Variants in H2AL3 observed in about 807,000 individuals in gnomAD.
The protein encoded by H2AL3 is histone H2A-like 3.
exon 1 of H2AL3, chrX:37,994,468 A>G (rs1415112864): frequency 5.8e-6 from 1 of 172,382 alleles, no homozygotes; most frequent in Non-Finnish European, 9.3e-6. Flanking sequence ...CATGCCCGGC[A>G]CCTGAGCTCA....
exon 1 of H2AL3, chrX:37,994,283 G>A (rs1360037322): frequency 1.8e-5 from 2 of 112,507 alleles, no homozygotes; most frequent in African/African-American, 6.5e-5. Context: ...GGTACCTTGA[G>A]AGGCTCAGGC....
exon 1 of H2AL3, chrX:37,994,457 G>C (rs890671422): frequency 3.5e-5 from 5 of 141,350 alleles, no homozygotes; most frequent in African/African-American, 1.6e-4. Context: ...GAGAAAGTCA[G>C]CATGCCCGGC....
chrX:37,994,719 G>T lies in H2AL3; in HGVS notation c.376G>T (p.Glu126Ter). The T allele has an allele frequency of 8.8e-6, 1 of 113,712 alleles. No individual in the cohort carries two copies. 9.4% of individuals were successfully genotyped at this position (113,712 alleles called of 1,213,427 possible). A position where few individuals can be genotyped will look rare whatever the true frequency, so the allele number is the denominator to read the frequency against. ...GGAGGAGGAGGAGGAGAAGGAGGAGGAGATGGTGGTGCTGGTGGTGATGGG... is the reference window on the plus strand; with the variant it reads ...GGAGGAGGAGGAGGAGAAGGAGGAGTAGATGGTGGTGCTGGTGGTGATGGG... The change falls in exon 1 of 1, where the codon GAG becomes TAG. Residue 126 changes from glutamate (E) to a stop codon, truncating the protein, a stop_gained. Transcript: ENST00000448797. LOFTEE classifies it low-confidence loss of function (END_TRUNC).
exon 1 of H2AL3, chrX:37,994,534 A>T (rs1933660895): frequency 6.6e-6 from 1 of 152,451 alleles, no homozygotes; most frequent in South Asian, 2.9e-4. Context: ...AACATCCTGG[A>T]AAAGGTGGGC....
chrX:37,994,764 A>AG lies in H2AL3; in HGVS notation c.422dup (p.Arg142LysfsTer28), dbSNP rs1432695424. ...GATGGGGGGAAGGAGGAGGAGGAGG[A>AG]GAAGAAGGAGGAGGAAGGATTCCTG... is the stretch of plus-strand genomic sequence containing the variant. On this transcript the variant is annotated frameshift_variant, in exon 1 of 1. Transcript: ENST00000448797. LOFTEE classifies it high-confidence loss of function. The AG allele has an allele frequency of 4.6e-5, 5 of 109,617 alleles. No individual in the cohort carries two copies. The highest frequency in any genetic ancestry group is 7.6e-5 in the Non-Finnish European group (4 of 52,674). 9.0% of individuals were successfully genotyped at this position (109,617 alleles called of 1,213,427 possible). A position where few individuals can be genotyped will look rare whatever the true frequency, so the allele number is the denominator to read the frequency against.
At chrX:37,994,732 T>C (rs987609491) in exon 1 of H2AL3, 3 of 109,001 alleles carry the variant, frequency 2.8e-5, no homozygotes, top group African/African-American at 1.0e-4. Context: ...ATGGTGGTGC[T>C]GGTGGTGATG....
Position 37,994,488 on chromosome X carries a change from GT to G in H2AL3, c.149del (p.Phe50SerfsTer9). On this transcript the variant is annotated frameshift_variant, in exon 1 of 1. Transcript: ENST00000448797. LOFTEE classifies it low-confidence loss of function (END_TRUNC). Reference sequence around the variant, plus strand: ...CCGGCACCTGAGCTCAACCACACCTGTTTTCCTGGCTGGTGTTCTCGAGTAT... The same window carrying G: ...CCGGCACCTGAGCTCAACCACACCTGTTTCCTGGCTGGTGTTCTCGAGTAT... The G allele has an allele frequency of 1.0e-5, 2 of 192,372 alleles. No homozygotes were observed. Among genetic ancestry groups the G allele is most frequent in the Non-Finnish European group, 1.6e-5 (2 of 124,478 alleles). 15.9% of individuals were successfully genotyped at this position (192,372 alleles called of 1,213,427 possible). A position where few individuals can be genotyped will look rare whatever the true frequency, so the allele number is the denominator to read the frequency against.
chrX:37,994,556 G>T (rs1188621400), exon 1 of H2AL3: 1 of 127,152 alleles, frequency 7.9e-6, no homozygotes. Context: ...AGGAGGTCAA[G>T]AACAGCTGCA....
At chrX:37,994,769 A>G (rs1466689325) in exon 1 of H2AL3, 1 of 109,635 alleles carries the variant, frequency 9.1e-6, no homozygotes, top group African/African-American at 3.3e-5. Context: ...GGAGGAGAAG[A>G]AGGAGGAGGA....
At chrX:37,994,278 C>A (rs1933653498) in exon 1 of H2AL3, 1 of 112,413 alleles carries the variant, frequency 8.9e-6, no homozygotes, top group African/African-American at 3.2e-5. Flanking sequence ...GCACTGGTAC[C>A]TTGAGAGGCT....
At chrX:37,994,855 A>T (rs1933675577) in exon 1 of H2AL3, 1 of 110,852 alleles carries the variant, frequency 9.0e-6, no homozygotes, top group Admixed American at 9.6e-5. Context: ...CATAGATGAA[A>T]GACCCCAGGT....
chrX:37,994,634 G>A (rs1318567069), exon 1 of H2AL3: 1 of 111,079 alleles, frequency 9.0e-6, no homozygotes. Flanking sequence ...GATGGATCTT[G>A]GAGTTGGAAG....
Position 37,994,712 on chromosome X carries a change from G to A in H2AL3, c.369G>A (p.Lys123=), listed in dbSNP as rs142753232. 5.1e-3 allele frequency: 568 copies of A among 110,812 alleles called. 4 individuals are homozygous for A. The highest frequency in any genetic ancestry group is 0.015 in the African/African-American group (464 of 30,173). 9.1% of individuals were successfully genotyped at this position (110,812 alleles called of 1,213,427 possible). ...AGGAAGAGGAGGAGGAGGAGGAGAA[G>A]GAGGAGGAGATGGTGGTGCTGGTGG... Residue 123 remains lysine (K), a synonymous_variant, in exon 1 of 1, where the codon AAG becomes AAA. Transcript: ENST00000448797.
chrX:37,994,342 T>C (rs1169530624), exon 1 of H2AL3: 2 of 112,671 alleles, frequency 1.8e-5, no homozygotes, highest in Admixed American at 1.9e-4. Context: ...CAGCAATTCC[T>C]CATGGCTGGA....
At chrX:37,994,802 A>G in exon 1 of H2AL3, 1 of 110,523 alleles carries the variant, frequency 9.0e-6, no homozygotes, top group Non-Finnish European at 1.9e-5. Context: ...TTTCGGAGCC[A>G]TGCGGGACTT....
exon 1 of H2AL3, chrX:37,994,763 G>A (rs1933670798): frequency 8.9e-6 from 1 of 112,738 alleles, no homozygotes; most frequent in Non-Finnish European, 1.9e-5. Flanking sequence ...GGAGGAGGAG[G>A]AGAAGAAGGA....
exon 1 of H2AL3, chrX:37,994,743 G>A (rs1933669008): frequency 2.7e-5 from 3 of 110,154 alleles, no homozygotes; most frequent in Non-Finnish European, 3.8e-5. Context: ...GGTGGTGATG[G>A]GGGGAAGGAG....
At chrX:37,994,337 A>G (rs577261114) in exon 1 of H2AL3, 6 of 112,819 alleles carry the variant, frequency 5.3e-5, no homozygotes, top group African/African-American at 1.6e-4. Flanking sequence ...AAACCCAGCA[A>G]TTCCTCATGG....
chrX:37,994,329 A>G (rs1933655679), exon 1 of H2AL3: 1 of 112,578 alleles, frequency 8.9e-6, no homozygotes, highest in Admixed American at 9.4e-5. Context: ...TTGGGGCAAA[A>G]CCCAGCAATT....
Sources: allele counts gnomAD v4.1 joint callset, GRCh38; gene constraint gnomAD v4.1.1; transcripts MANE v1.5; gene names NCBI Gene and HGNC (gene_info 2026-07-23, HGNC 2026-07-21).